The following STK32B variants were observed in gnomAD, a reference collection of about 807,000 sequenced individuals.
STK32B encodes serine/threonine kinase 32B.
A neutral mutation model predicts 52.6 loss-of-function variants in STK32B; 43 were observed. That is an observed-to-expected ratio of 0.82 (90% CI 0.64 to 1.05). STK32B has a LOEUF of 1.05. Among genes scored for constraint, STK32B ranks in the 50% least tolerant of loss-of-function variants. STK32B has a pLI of 0.00. For missense variants in STK32B, 621 were observed against 534.6 expected (o/e 1.16, Z -1.59); for synonymous variants, 238 against 204.3 (o/e 1.17, Z -1.41).
At chr4:5,230,178 C>CTTTTTTTTTTTTTTTTTTTTTTTTT (rs752036100) in intron 3 of STK32B, among the ~76,000 whole-genome samples, 3 of 71,122 alleles carry the variant, frequency 4.2e-5, no homozygotes, top group African/African-American at 7.8e-5. Flanking sequence ...CATGCATTCC[C>CTTTTTTTTTTTTTTTTTTTTTTTTT]TTTTTTTTTT....
intron 1 of STK32B, among the ~76,000 whole-genome samples, chr4:5,124,398 C>T (rs1282564533): frequency 1.3e-5 from 2 of 152,190 alleles, no homozygotes; most frequent in East Asian, 3.9e-4. Flanking sequence ...GCCCCCAGCC[C>T]ATTGCCTCCT....
At chr4:5,342,133 A>C (rs1733124426) in intron 4 of STK32B, among the ~76,000 whole-genome samples, 1 of 152,192 alleles carries the variant, frequency 6.6e-6, no homozygotes, top group South Asian at 2.1e-4. Flanking sequence ...TATGGAAGAC[A>C]GTGTGGCGAT....
At chr4:5,090,554 G>A (rs542987695) in intron 1 of STK32B, among the ~76,000 whole-genome samples, 4 of 151,718 alleles carry the variant, frequency 2.6e-5, no homozygotes, top group East Asian at 1.9e-4. Flanking sequence ...TAGTAGAGAC[G>A]GGGTTTCACT....
At chr4:5,283,090 C>T (rs182292110) in intron 3 of STK32B, among the ~76,000 whole-genome samples, 171 of 152,178 alleles carry the variant, frequency 1.1e-3, no homozygotes, top group African/African-American at 3.9e-3. Flanking sequence ...CTGACCACCC[C>T]TCCCTAGCCT....
At chr4:5,334,116 A>G (rs1732464613) in intron 4 of STK32B, among the ~76,000 whole-genome samples, 5 of 151,932 alleles carry the variant, frequency 3.3e-5, no homozygotes, top group Admixed American at 3.3e-4. Context: ...TGAGCATGGA[A>G]TGTTCTTCCA....
At chr4:5,065,738 T>TTTTGAGTTTTG (rs1316332065) in intron 1 of STK32B, among the ~76,000 whole-genome samples, 1 of 152,200 alleles carries the variant, frequency 6.6e-6, no homozygotes, top group Non-Finnish European at 1.5e-5. Flanking sequence ...ATTTTTTTTG[T>TTTTGAGTTTTG]TTTGAGACAG....
intron 11 of STK32B, 93 bp from the exon 12 acceptor site, chr4:5,498,852 C>A: frequency 2.0e-6 from 3 of 1,472,598 alleles, no homozygotes; most frequent in Non-Finnish European, 2.7e-6. Flanking sequence ...GAGCTGAAGG[C>A]TCCACAGTTG....
At chr4:5,158,962 C>CT (rs1417752133) in intron 2 of STK32B, among the ~76,000 whole-genome samples, 1 of 152,218 alleles carries the variant, frequency 6.6e-6, no homozygotes, top group Non-Finnish European at 1.5e-5. Flanking sequence ...GGCACCAACC[C>CT]TTTAAACATG....
chr4:5,374,935 C>T (rs549556382), intron 4 of STK32B, among the ~76,000 whole-genome samples: 1 of 152,146 alleles, frequency 6.6e-6, no homozygotes, highest in Non-Finnish European at 1.5e-5. Context: ...GATTAGCAAG[C>T]GTCCAAAGTT....
intron 4 of STK32B, among the ~76,000 whole-genome samples, chr4:5,357,364 C>G (rs1734256597): frequency 6.6e-6 from 1 of 152,158 alleles, no homozygotes; most frequent in Non-Finnish European, 1.5e-5. Flanking sequence ...ATGTGCCTGC[C>G]ATGGGGCTCA....
chr4:5,424,608 G>T (rs114241243), intron 6 of STK32B, among the ~76,000 whole-genome samples: 117 of 152,332 alleles, frequency 7.7e-4, no homozygotes, highest in Middle Eastern at 3.4e-3. Flanking sequence ...CAATCTGCCC[G>T]TGGAAAGGAG....
At chr4:5,188,006 G>A (rs889945744) in intron 3 of STK32B, among the ~76,000 whole-genome samples, 5 of 152,094 alleles carry the variant, frequency 3.3e-5, no homozygotes, top group African/African-American at 9.7e-5. Flanking sequence ...CAGTTTCCTC[G>A]TGTAGGGCGC....
intron 1 of STK32B, among the ~76,000 whole-genome samples, chr4:5,127,491 C>G (rs1715476934): frequency 6.6e-6 from 1 of 152,136 alleles, no homozygotes; most frequent in Non-Finnish European, 1.5e-5. Context: ...TTATTCATGT[C>G]AGGTGCTGTT....
intron 4 of STK32B, among the ~76,000 whole-genome samples, chr4:5,340,718 T>G (rs1277676459): frequency 6.6e-6 from 1 of 152,198 alleles, no homozygotes; most frequent in African/African-American, 2.4e-5. Flanking sequence ...TGAATCAAGT[T>G]TATTAAAATG....
chr4:5,314,313 A>G (rs1730515559), intron 3 of STK32B, among the ~76,000 whole-genome samples: 1 of 152,190 alleles, frequency 6.6e-6, no homozygotes, highest in Non-Finnish European at 1.5e-5. Flanking sequence ...TCTTCAACAA[A>G]TAGTAATTGG....
chr4:5,482,850 G>A (rs930930556), intron 11 of STK32B, among the ~76,000 whole-genome samples: 1 of 152,098 alleles, frequency 6.6e-6, no homozygotes, highest in Admixed American at 6.6e-5. Context: ...ATAATCATGT[G>A]GTTTTTGTCT....
chr4:5,125,482 T>G (rs1321678442), intron 1 of STK32B, among the ~76,000 whole-genome samples: 1 of 152,128 alleles, frequency 6.6e-6, no homozygotes, highest in African/African-American at 2.4e-5. Context: ...GGCAGAGTCA[T>G]GGGGGCAGCT....
chr4:5,207,528 T>C (rs559543228), intron 3 of STK32B, among the ~76,000 whole-genome samples: 21 of 152,182 alleles, frequency 1.4e-4, no homozygotes, highest in Middle Eastern at 3.4e-3. Flanking sequence ...TTAAGCTTCT[T>C]TTTCTGTATA....
upstream of STK32B, among the ~76,000 whole-genome samples, chr4:5,049,732 C>T (rs1197477437): frequency 9.8e-6 from 1 of 101,788 alleles, no homozygotes; most frequent in Non-Finnish European, 2.2e-5. Context: ...GGCTCAGAGG[C>T]CTGGCAATCA....
Sources: allele counts gnomAD v4.1 joint callset (sites outside exome capture counted in the v4.1 genomes callset), GRCh38; gene constraint gnomAD v4.1.1; transcripts MANE v1.5; gene names NCBI Gene and HGNC (gene_info 2026-07-23, HGNC 2026-07-21).